Variants in BIRC6 observed in about 807,000 individuals in gnomAD.
The protein encoded by BIRC6 is dual E2 ubiquitin-conjugating enzyme/E3 ubiquitin-protein ligase BIRC6.
Under a neutral mutation model 503.3 loss-of-function variants are expected in BIRC6, and 98 were observed. The observed-to-expected ratio is 0.19, with a 90% CI of 0.17 to 0.23. The LOEUF is 0.23. Ranked by LOEUF, BIRC6 falls within the 10% of genes least tolerant of loss-of-function variation. The probability of loss-of-function intolerance (pLI) is 1.00; values close to 1 mark genes in which losing one functional copy is unlikely to be tolerated. For synonymous variants in BIRC6, 2,240 were observed against 2,078.7 expected (o/e 1.08, Z -2.11); for missense variants, 5,360 against 5,806.0 (o/e 0.92, Z 2.50).
chr2:32,487,835 T>C, intron 41 of BIRC6, 34 bp downstream of exon 41: 2 of 1,545,694 alleles, frequency 1.3e-6, no homozygotes, highest in Non-Finnish European at 1.8e-6. Flanking sequence ...TATTTTTACA[T>C]ATTATTGTTA....
At chr2:32,432,774 A>C (rs929033996) in intron 12 of BIRC6, among the ~76,000 whole-genome samples, 1 of 151,972 alleles carries the variant, frequency 6.6e-6, no homozygotes, top group Non-Finnish European at 1.5e-5. Flanking sequence ...AAAAAAAAAA[A>C]AAACTTTCAT....
chr2:32,511,106 C>T (rs997164103), intron 53 of BIRC6, among the ~76,000 whole-genome samples: 8 of 151,558 alleles, frequency 5.3e-5, no homozygotes, highest in Admixed American at 5.3e-4. Context: ...TTTCTGCACC[C>T]TTTCCTGCTG....
intron 9 of BIRC6, among the ~76,000 whole-genome samples, chr2:32,412,047 A>G (rs1476543447): frequency 6.6e-6 from 1 of 152,084 alleles, no homozygotes; most frequent in Admixed American, 6.5e-5. Flanking sequence ...AGCCTCCCAA[A>G]TAGCTGGGAT....
In BIRC6 at chr2:32,603,001, G is replaced by T; in HGVS notation, c.13993-5G>T. 1 of 1,598,098 alleles carries T rather than the reference G, an allele frequency of 6.3e-7. No homozygotes were observed. Among genetic ancestry groups the T allele is most frequent in the Non-Finnish European group, 8.5e-7 (1 of 1,174,208 alleles). ...AATTCTGTTTATGCTTTTTTCGTTC[G>T]TCAGGTTTGTTTAAGCATCTTAAAC... On this transcript the variant is annotated splice_region_variant and splice_polypyrimidine_tract_variant and intron_variant, in intron 70 of 73. Transcript: ENST00000421745.
intron 62 of BIRC6, 50 bp from the exon 63 acceptor site, chr2:32,545,593 T>C (rs1037076298): frequency 4.1e-6 from 6 of 1,448,990 alleles, no homozygotes; most frequent in East Asian, 4.5e-5. Flanking sequence ...TAACTTCTTA[T>C]GTGTTTTTAA....
intron 57 of BIRC6, among the ~76,000 whole-genome samples, chr2:32,524,559 A>T (rs565099769): frequency 6.6e-6 from 1 of 152,224 alleles, no homozygotes; most frequent in African/African-American, 2.4e-5. Context: ...GTTGCCAAGC[A>T]CATTGAACTA....
chr2:32,421,654 T>G lies in BIRC6; in HGVS notation c.2872+5491T>G, dbSNP rs535769350. On this transcript the variant is annotated intron_variant, in intron 10 of 73. Transcript: ENST00000421745. ...TACTTGAGGTTTCTCTAGATTTCTTTCTGTTCTGGATCTCAAACTTATTTC... is the reference window on the plus strand; with the variant it reads ...TACTTGAGGTTTCTCTAGATTTCTTGCTGTTCTGGATCTCAAACTTATTTC... 2.0e-5 allele frequency among the ~76,000 whole-genome samples: 3 copies of G among 152,340 alleles called. No individual in the cohort carries two copies. The South Asian group carries it at 6.2e-4, about 32-fold the overall frequency.
intron 23 of BIRC6, among the ~76,000 whole-genome samples, chr2:32,458,738 A>T (rs1007386749): frequency 8.0e-6 from 1 of 125,210 alleles, no homozygotes; most frequent in African/African-American, 3.2e-5. Context: ...TCTGTATCCC[A>T]GGCTGAAGTG....
chr2:32,612,051 A>T (rs1292958583), intron 73 of BIRC6, among the ~76,000 whole-genome samples: 1 of 151,870 alleles, frequency 6.6e-6, no homozygotes, highest in East Asian at 1.9e-4. Flanking sequence ...AAATTTTTTT[A>T]TTTTCAATTT....
chr2:32,522,524 C>CT (rs1284898540), intron 57 of BIRC6: 15 of 152,116 alleles, frequency 9.9e-5, no homozygotes, highest in African/African-American at 2.9e-4. Flanking sequence ...TGAAATGAGA[C>CT]TAAGAAACTA....
intron 31 of BIRC6, 57 bp downstream of exon 31, chr2:32,470,358 T>A: frequency 7.3e-7 from 1 of 1,367,568 alleles, no homozygotes. Flanking sequence ...AATATTTCTT[T>A]TATAAAATAT....
At chr2:32,360,094 T>G (rs971225956) in intron 1 of BIRC6, among the ~76,000 whole-genome samples, 5 of 152,190 alleles carry the variant, frequency 3.3e-5, no homozygotes, top group Non-Finnish European at 5.9e-5. Context: ...TTCCCGTTTA[T>G]GGGCAATGGG....
rs1415788358 is a variant in BIRC6, at chr2:32,521,462, G to GT, written c.11623+2524dup. Among the ~76,000 whole-genome samples, 59 of 142,106 alleles carry GT rather than the reference G, an allele frequency of 4.2e-4. 1 individual carries two copies. The highest frequency in any genetic ancestry group is 2.2e-3 in the South Asian group (10 of 4,452). The allele number at this position is 142,106 out of a possible 152,430, so 93.2% of individuals were successfully genotyped here. ...GACCTATTATTTTTTCTCTCTCTCT[G>GT]TTTTTTTTGTTTTTTGTTTTTTGTT... On this transcript the variant is annotated intron_variant, in intron 57 of 73. Transcript: ENST00000421745.
At chr2:32,541,373 T>C (rs547717986) in intron 61 of BIRC6, among the ~76,000 whole-genome samples, 5 of 152,228 alleles carry the variant, frequency 3.3e-5, no homozygotes, top group East Asian at 1.9e-4. Flanking sequence ...GCACCTGTTT[T>C]ATTCAGTGTA....
chr2:32,383,400 A>G (rs2037979379), intron 3 of BIRC6, among the ~76,000 whole-genome samples: 2 of 152,160 alleles, frequency 1.3e-5, no homozygotes, highest in African/African-American at 2.4e-5. Context: ...GAAGATATCT[A>G]ATTTCTTTTT....
At chr2:32,502,742 G>A (rs1433154179) in intron 47 of BIRC6, 53 bp from the exon 48 acceptor site, 1 of 1,383,796 alleles carries the variant, frequency 7.2e-7, no homozygotes, top group Non-Finnish European at 1.0e-6. Context: ...ATTGAGTTTA[G>A]TTCTTATTCA....
chr2:32,478,209 C>A (rs1166303233), intron 35 of BIRC6, among the ~76,000 whole-genome samples: 1 of 151,982 alleles, frequency 6.6e-6, no homozygotes. Context: ...TGGTGGCATG[C>A]ACCTGTAGTC....
intron 9 of BIRC6, among the ~76,000 whole-genome samples, chr2:32,413,674 T>C (rs942321793): frequency 6.8e-6 from 1 of 147,640 alleles, no homozygotes; most frequent in African/African-American, 2.5e-5. Flanking sequence ...CTGAGTAAGC[T>C]CATCTTAGAT....
chr2:32,373,225 GAA>G (rs35996034), intron 1 of BIRC6, among the ~76,000 whole-genome samples: 1 of 145,132 alleles, frequency 6.9e-6, no homozygotes, highest in African/African-American at 2.5e-5. Flanking sequence ...ATTTCTGCAG[GAA>G]AAAAAAAAAA....
Sources: gnomAD v4.1 joint callset for allele counts (sites outside exome capture counted in the v4.1 genomes callset) on GRCh38, gnomAD v4.1.1 for gene constraint, MANE v1.5 for transcripts, NCBI Gene and HGNC (gene_info 2026-07-23, HGNC 2026-07-21) for gene names.